The following ZHX2 variants were observed in gnomAD, a reference collection of about 807,000 sequenced individuals.
ZHX2 encodes the protein zinc fingers and homeoboxes protein 2.
Under a neutral mutation model 21.9 loss-of-function variants are expected in ZHX2, and 6 were observed. That is an observed-to-expected ratio of 0.27 (90% CI 0.15 to 0.54). ZHX2 has a LOEUF of 0.54. ZHX2 is among the 20% of genes least tolerant of loss of function. The probability of loss-of-function intolerance (pLI) is 0.95; values close to 1 mark genes in which losing one functional copy is unlikely to be tolerated. For synonymous variants in ZHX2, 434 were observed against 437.1 expected (o/e 0.99, Z 0.09); for missense variants, 908 against 1,090.7 (o/e 0.83, Z 2.36).
intron 2 of ZHX2, among the ~76,000 whole-genome samples, chr8:122,898,818 G>T (rs962819530): frequency 1.3e-5 from 2 of 152,262 alleles, no homozygotes; most frequent in East Asian, 3.8e-4. Context: ...TAAGCCAGTT[G>T]CTGAGGTCAC....
At chr8:122,910,202 G>A (rs1171945725) in intron 2 of ZHX2, among the ~76,000 whole-genome samples, 1 of 151,730 alleles carries the variant, frequency 6.6e-6, no homozygotes, top group African/African-American at 2.4e-5. Flanking sequence ...GACTTTCTTA[G>A]ATTCAGGGCA....
At chr8:122,796,001 T>C (rs1427808707) in intron 1 of ZHX2, among the ~76,000 whole-genome samples, 2 of 151,986 alleles carry the variant, frequency 1.3e-5, no homozygotes, top group Non-Finnish European at 2.9e-5. Context: ...TGAAACCCTG[T>C]CTCTACAAAA....
intron 2 of ZHX2, among the ~76,000 whole-genome samples, chr8:122,867,700 C>A (rs1819332397): frequency 6.6e-6 from 1 of 152,138 alleles, no homozygotes; most frequent in Admixed American, 6.5e-5. Flanking sequence ...AATAATACAT[C>A]TCACAGGGTT....
chr8:122,872,282 G>C (rs1321753282), intron 2 of ZHX2, among the ~76,000 whole-genome samples: 1 of 152,202 alleles, frequency 6.6e-6, no homozygotes, highest in Non-Finnish European at 1.5e-5. Flanking sequence ...CAAAGCGGTA[G>C]CTCCATCAGT....
chr8:122,875,411 A>G (rs2129732387), intron 2 of ZHX2, among the ~76,000 whole-genome samples: 1 of 152,104 alleles, frequency 6.6e-6, no homozygotes, highest in Middle Eastern at 3.4e-3. Flanking sequence ...CCCTTGACTG[A>G]AAAAGTTTGC....
chr8:122,782,375 C>T lies in ZHX2; in HGVS notation c.-283+429C>T, dbSNP rs1441011552. Among the ~76,000 whole-genome samples the T allele has an allele frequency of 6.6e-6, 1 of 152,136 alleles. No homozygotes were observed. Among genetic ancestry groups the T allele is most frequent in the Non-Finnish European group, 1.5e-5 (1 of 68,018 alleles). On this transcript the variant is annotated intron_variant, in intron 1 of 3. Coordinates refer to ENST00000314393, the MANE Select transcript of ZHX2 (RefSeq NM_014943.5). The surrounding 1 kb of genome is among the most constrained non-coding windows in gnomAD (Gnocchi z 5.3). ...CTGTTTTTATTTATTTATTTCGTGG[C>T]CGTCTCCCTCCCTTCTTGGCCAAAC...
At chr8:122,968,897 G>A (rs1047763967) in intron 3 of ZHX2, among the ~76,000 whole-genome samples, 10 of 151,810 alleles carry the variant, frequency 6.6e-5, no homozygotes, top group Non-Finnish European at 1.3e-4. Context: ...AGTGGCTCAC[G>A]CATGTAATCT....
intron 3 of ZHX2, among the ~76,000 whole-genome samples, chr8:122,972,303 G>C (rs1048503760): frequency 2.0e-5 from 3 of 152,078 alleles, no homozygotes; most frequent in African/African-American, 7.2e-5. Flanking sequence ...ATATACTTTT[G>C]GGGGGACACC....
chr8:122,958,325 C>T (rs1813359134), intron 3 of ZHX2, among the ~76,000 whole-genome samples: 2 of 152,192 alleles, frequency 1.3e-5, no homozygotes, highest in South Asian at 2.1e-4. Flanking sequence ...ATGTTTGAGC[C>T]ATTCCATTGA....
chr8:122,888,860 T>C (rs1819908394), intron 2 of ZHX2, among the ~76,000 whole-genome samples: 1 of 152,190 alleles, frequency 6.6e-6, no homozygotes, highest in South Asian at 2.1e-4. Flanking sequence ...CTAGCTATGA[T>C]TTTGTCTCCA....
Position 122,837,000 on chromosome 8 carries a change from G to A in ZHX2, c.-282-26477G>A, listed in dbSNP as rs183456518. Among the ~76,000 whole-genome samples, 294 of 152,150 alleles carry A rather than the reference G, an allele frequency of 1.9e-3. 1 individual carries two copies. Among genetic ancestry groups the A allele is most frequent in the African/African-American group, 6.9e-3 (287 of 41,516 alleles). ...AGTAAATAAGCTGGCCCAAACCCAC[G>A]AAAATCAAGATTTTGACCAGAGTGA... On this transcript the variant is annotated intron_variant, in intron 1 of 3. Transcript: ENST00000314393.
chr8:122,869,590 G>A (rs537520614), intron 2 of ZHX2, among the ~76,000 whole-genome samples: 7 of 152,196 alleles, frequency 4.6e-5, no homozygotes, highest in African/African-American at 9.6e-5. Context: ...AGCTGTCGCC[G>A]GGAGGCCCAG....
intron 2 of ZHX2, among the ~76,000 whole-genome samples, chr8:122,902,836 C>A (rs747184509): frequency 6.6e-6 from 1 of 152,188 alleles, no homozygotes; most frequent in African/African-American, 2.4e-5. Flanking sequence ...AGAGGCCTGT[C>A]TATTTGAAAT....
At position 122,801,303 on chromosome 8, in the gene ZHX2, T is replaced by G. The variant is rs551060865; in HGVS notation, c.-283+19357T>G. On this transcript the variant is annotated intron_variant, in intron 1 of 3. Transcript: ENST00000314393. The stretch of plus-strand genomic sequence containing the variant: ...AAAATAATTACTTAAGTAAACATAT[T>G]CCTGCAAATTTCCCATAATGACTCT... 2.6e-5 allele frequency among the ~76,000 whole-genome samples: 4 copies of G among 152,320 alleles called. No individual in the cohort carries two copies. The East Asian group carries it at 7.7e-4, about 29-fold the overall frequency.
At chr8:122,851,336 C>T (rs117047657) in intron 1 of ZHX2, among the ~76,000 whole-genome samples, 3,859 of 152,102 alleles carry the variant, frequency 0.025, 79 homozygotes, top group Non-Finnish European at 0.037. Flanking sequence ...TAATTTTAGA[C>T]GTGTTAAGTT....
chr8:122,954,102 G>C, intron 3 of ZHX2, 74 bp downstream of exon 3: 1 of 1,351,894 alleles, frequency 7.4e-7, no homozygotes, highest in South Asian at 1.5e-5. Flanking sequence ...GGTTAATATA[G>C]ATTGTAGGGT....
intron 1 of ZHX2, among the ~76,000 whole-genome samples, chr8:122,802,158 G>A (rs961866436): frequency 6.6e-6 from 1 of 152,054 alleles, no homozygotes; most frequent in Admixed American, 6.5e-5. Context: ...CCACCTCCCC[G>A]GTTCCAGCGA....
intron 1 of ZHX2, among the ~76,000 whole-genome samples, chr8:122,791,449 C>T (rs1387131851): frequency 2.0e-5 from 3 of 152,214 alleles, no homozygotes; most frequent in Admixed American, 1.3e-4. Flanking sequence ...TCTCGGGTGA[C>T]TGCCCACTTT....
intron 1 of ZHX2, among the ~76,000 whole-genome samples, chr8:122,805,873 G>A (rs1817812843): frequency 6.6e-6 from 1 of 151,572 alleles, no homozygotes; most frequent in Non-Finnish European, 1.5e-5. Context: ...GTAGGTCCTG[G>A]AAAAAAAAGT....
Sources: allele counts gnomAD v4.1 joint callset (sites outside exome capture counted in the v4.1 genomes callset), GRCh38; gene constraint gnomAD v4.1.1; non-coding constraint Gnocchi (gnomAD v3.1); transcripts MANE v1.5; gene names NCBI Gene and HGNC (gene_info 2026-07-23, HGNC 2026-07-21).